FKTN: variants seen among roughly 807,000 people sequenced by gnomAD.
FKTN encodes the protein ribitol-5-phosphate transferase FKTN.
A neutral mutation model predicts 58.6 loss-of-function variants in FKTN; 47 were observed. The observed-to-expected ratio is 0.80, with a 90% CI of 0.63 to 1.02. The LOEUF is 1.02. FKTN is among the 50% of genes least tolerant of loss of function. The pLI is 0.00. For missense variants in FKTN, 516 were observed against 537.3 expected (o/e 0.96, Z 0.39); for synonymous variants, 178 against 191.9 (o/e 0.93, Z 0.60).
At position 105,581,464 on chromosome 9, in the gene FKTN, C is replaced by T. The variant is rs1408827711; in HGVS notation, c.105+6327C>T. On this transcript the variant is annotated intron_variant, in intron 3 of 10. Coordinates refer to ENST00000357998, the MANE Select transcript of FKTN (RefSeq NM_001079802.2). ...GTGTGCCCCTGCTGCGGGGTGCCTC[C>T]CAGTTAGGCTGCTCGGGGGTCAGGG... Among the ~76,000 whole-genome samples the T allele has an allele frequency of 4.6e-5, 7 of 150,588 alleles. No homozygotes were observed. In the East Asian group the frequency reaches 1.2e-3, roughly 25 times the overall value.
chr9:105,595,917 C>G lies in FKTN; in HGVS notation c.106-681C>G, dbSNP rs184078429. ...ACGCTTGAAACATTCTTCCTTTTGT[C>G]TCTAGAACATCAGACATTCTTTCTC... On this transcript the variant is annotated intron_variant, in intron 3 of 10. Transcript: ENST00000357998. 5.9e-5 allele frequency among the ~76,000 whole-genome samples: 9 copies of G among 152,292 alleles called. No individual in the cohort carries two copies. The East Asian group carries it at 7.7e-4, about 13-fold the overall frequency.
At chr9:105,607,081 G>T (rs982107637) in intron 6 of FKTN, among the ~76,000 whole-genome samples, 5 of 151,778 alleles carry the variant, frequency 3.3e-5, no homozygotes, top group African/African-American at 1.2e-4. Context: ...ACTTAGTAAA[G>T]TTCAAAATTG....
intron 10 of FKTN, among the ~76,000 whole-genome samples, chr9:105,620,720 G>A (rs939686156): frequency 2.6e-5 from 4 of 151,974 alleles, no homozygotes; most frequent in Non-Finnish European, 5.9e-5. Context: ...GCTTTGAGGT[G>A]TGTCAGGAGG....
intron 3 of FKTN, 65 bp downstream of exon 3, chr9:105,575,202 TTC>T: frequency 2.1e-6 from 2 of 946,546 alleles, no homozygotes; most frequent in Non-Finnish European, 3.5e-6. Flanking sequence ...CTGATCACAC[TTC>T]TCTTTGCAAT....
chr9:105,583,499 T>C (rs1422492606), intron 3 of FKTN, among the ~76,000 whole-genome samples: 1 of 152,172 alleles, frequency 6.6e-6, no homozygotes, highest in Non-Finnish European at 1.5e-5. Context: ...ATATGTATAT[T>C]GGTTCTTTTT....
chr9:105,559,725 G>A (rs1470540471), intron 1 of FKTN, among the ~76,000 whole-genome samples: 1 of 152,054 alleles, frequency 6.6e-6, no homozygotes, highest in Non-Finnish European at 1.5e-5. Flanking sequence ...TTAAATTTGA[G>A]GTGAGGTGCA....
In FKTN at chr9:105,636,356, C is replaced by A; in HGVS notation, c.*1092C>A. 1.0e-6 allele frequency: 1 copy of A among 983,232 alleles called. No individual in the cohort carries two copies. Among genetic ancestry groups the A allele is most frequent in the Non-Finnish European group, 1.2e-6 (1 of 827,856 alleles). 60.9% of individuals were successfully genotyped at this position (983,232 alleles called of 1,614,324 possible). ...TGTTTCTTCTCCTCTTCTAATATAT[C>A]AGATCTCCAAAATGGAAGCTAAATG... On this transcript the variant is annotated 3_prime_UTR_variant, in exon 11 of 11. Coordinates refer to ENST00000357998, the MANE Select transcript of FKTN (RefSeq NM_001079802.2).
chr9:105,637,709 T>C lies in FKTN; in HGVS notation c.*2445T>C. ...CTTACCTGGGGAAGTTGACAACTTG[T>C]TGGTAGTTAGGCACCCATGAATGTC... On this transcript the variant is annotated 3_prime_UTR_variant, in exon 11 of 11. Coordinates refer to ENST00000357998, the MANE Select transcript of FKTN (RefSeq NM_001079802.2). The C allele has an allele frequency of 1.0e-6, 1 of 985,414 alleles. No individual in the cohort carries two copies. Among genetic ancestry groups the C allele is most frequent in the Non-Finnish European group, 1.2e-6 (1 of 829,938 alleles). The allele number at this position is 985,414 out of a possible 1,614,324, so 61.0% of individuals were successfully genotyped here.
chr9:105,608,117 A>C (rs1047026919), intron 7 of FKTN, among the ~76,000 whole-genome samples, 166 bp downstream of exon 7: 1 of 152,282 alleles, frequency 6.6e-6, no homozygotes, highest in South Asian at 2.1e-4. Context: ...TTTTTTTAGA[A>C]GTAGATTAAA....
chr9:105,574,941 A>C lies in FKTN; in HGVS notation c.-88-4A>C. 1 of 787,802 alleles carries C rather than the reference A, an allele frequency of 1.3e-6. No individual in the cohort carries two copies. The highest frequency in any genetic ancestry group is 1.4e-5 in the South Asian group (1 of 70,358). 48.8% of individuals were successfully genotyped at this position (787,802 alleles called of 1,614,324 possible). On this transcript the variant is annotated splice_region_variant and splice_polypyrimidine_tract_variant and intron_variant, in intron 2 of 10. Coordinates refer to ENST00000357998, the MANE Select transcript of FKTN (RefSeq NM_001079802.2). ...TTCTTTAAAAATATCTTTTTTGTTCACAGAAAACAAAATTATCTTCCTTTC... is the reference window on the plus strand; with the variant it reads ...TTCTTTAAAAATATCTTTTTTGTTCCCAGAAAACAAAATTATCTTCCTTTC...
rs776945221 is a variant in FKTN at position 105,607,904 on chromosome 9, T to A, written c.733T>A (p.Ser245Thr). ...PMHFVEEVPH[S>T]RFIECRYKEA... Reference sequence around the variant, plus strand: ...GCACTTTGTAGAAGAAGTACCACACTCTAGGTTTATTGAGTGTAGGTATAA... The same window carrying A: ...GCACTTTGTAGAAGAAGTACCACACACTAGGTTTATTGAGTGTAGGTATAA... The change falls in exon 7 of 11, where the codon TCT (serine) becomes ACT (threonine). Residue 245 changes from serine (S) to threonine (T), a missense_variant. Ser to Thr is a moderately conservative substitution (Grantham distance 58, BLOSUM62 1). Coordinates refer to ENST00000357998, the MANE Select transcript of FKTN (RefSeq NM_001079802.2). 6 of 1,611,552 alleles carry A rather than the reference T, an allele frequency of 3.7e-6. No homozygotes were observed. The highest frequency in any genetic ancestry group is 2.7e-5 in the African/African-American group (2 of 74,852).
In FKTN at chr9:105,568,202, A is replaced by T. The variant is rs547948766; in HGVS notation, c.-180-5453A>T. ...ACCATAAAAACCCTAGAAGAAAACC[A>T]AGGCAATACCATTCAGGACATAGGC... On this transcript the variant is annotated intron_variant, in intron 1 of 10. Coordinates refer to ENST00000357998, the MANE Select transcript of FKTN (RefSeq NM_001079802.2). Among the ~76,000 whole-genome samples, 312 of 152,136 alleles carry T rather than the reference A, an allele frequency of 2.1e-3. 1 individual carries two copies. Among genetic ancestry groups the T allele is most frequent in the African/African-American group, 7.0e-3 (290 of 41,522 alleles).
intron 7 of FKTN, among the ~76,000 whole-genome samples, chr9:105,613,933 G>A (rs1830369526): frequency 6.6e-6 from 1 of 152,198 alleles, no homozygotes. Flanking sequence ...GCTGAGACTT[G>A]AAAGATTTTA....
chr9:105,599,619 T>C (rs983207474), intron 4 of FKTN, among the ~76,000 whole-genome samples: 1 of 151,858 alleles, frequency 6.6e-6, no homozygotes, highest in African/African-American at 2.4e-5. Context: ...TTCTCCTGCC[T>C]CAGCCTCCTG....
rs373418195 is a variant in FKTN, at chr9:105,607,874, C to T, written c.703C>T (p.Pro235Ser). The T allele has an allele frequency of 4.3e-6, 7 of 1,611,132 alleles. No homozygotes were observed. Among genetic ancestry groups the T allele is most frequent in the Non-Finnish European group, 8.5e-7 (1 of 1,177,546 alleles). Residue 235 changes from proline (P) to serine (S), a missense_variant, in exon 7 of 11, where the codon CCA (proline) becomes TCA (serine). Pro to Ser is a moderately conservative substitution (Grantham distance 74). Transcript: ENST00000357998. ...DGLEVLIPKD[P>S]MHFVEEVPHS... is the part of the protein sequence containing the mutation. Reference sequence around the variant, plus strand: ...ACTGGAAGTTCTCATTCCAAAGGATCCAATGCACTTTGTAGAAGAAGTACC... The same window carrying T: ...ACTGGAAGTTCTCATTCCAAAGGATTCAATGCACTTTGTAGAAGAAGTACC...
chr9:105,616,930 G>T (rs1830935264), intron 8 of FKTN, among the ~76,000 whole-genome samples: 1 of 150,582 alleles, frequency 6.6e-6, no homozygotes, highest in Admixed American at 6.6e-5. Context: ...TTTGCTTTAA[G>T]GTTTAATTTT....
chr9:105,595,684 T>C (rs1004745010), intron 3 of FKTN, among the ~76,000 whole-genome samples: 44 of 152,290 alleles, frequency 2.9e-4, no homozygotes, highest in African/African-American at 1.1e-3. Context: ...TCAAGCACTA[T>C]CCTAGGTGCT....
chr9:105,571,424 A>C (rs1330198629), intron 1 of FKTN, among the ~76,000 whole-genome samples: 1 of 152,214 alleles, frequency 6.6e-6, no homozygotes, highest in African/African-American at 2.4e-5. Flanking sequence ...TTGCCTTGGC[A>C]TTTATAGAAA....
chr9:105,636,702 A>G lies in FKTN; in HGVS notation c.*1438A>G, dbSNP rs199806635. ...GGAAGCTGAATCTTATATCTTATCT[A>G]TGCTATTTAGGACTACTTTCTGGAG... On this transcript the variant is annotated 3_prime_UTR_variant, in exon 11 of 11. Transcript: ENST00000357998. 1.1e-4 allele frequency: 136 copies of G among 1,293,952 alleles called. No homozygotes were observed. The African/African-American group carries it at 1.8e-3, about 17-fold the overall frequency. 80.2% of individuals were successfully genotyped at this position (1,293,952 alleles called of 1,614,324 possible). A position where few individuals can be genotyped will look rare whatever the true frequency, so the allele number is the denominator to read the frequency against.
Sources: allele counts gnomAD v4.1 joint callset (sites outside exome capture counted in the v4.1 genomes callset), GRCh38; gene constraint gnomAD v4.1.1; transcripts MANE v1.5; gene names NCBI Gene and HGNC (gene_info 2026-07-23, HGNC 2026-07-21).